Variants in PPP1R37 observed in about 807,000 individuals in gnomAD.
PPP1R37 encodes the protein protein phosphatase 1 regulatory subunit 37, also known as leucine rich repeat containing 68.
A neutral mutation model predicts 61.0 loss-of-function variants in PPP1R37; 21 were observed. That is an observed-to-expected ratio of 0.34 (90% CI 0.24 to 0.50). PPP1R37 has a LOEUF of 0.50. Among genes scored for constraint, PPP1R37 ranks in the 20% least tolerant of loss-of-function variants. PPP1R37 has a pLI of 0.98. For missense variants in PPP1R37, 910 were observed against 952.7 expected (o/e 0.96, Z 0.59); for synonymous variants, 443 against 433.5 (o/e 1.02, Z -0.27).
chr19:45,129,804 G>A (rs999106259), intron 1 of PPP1R37, among the ~76,000 whole-genome samples: 1 of 152,190 alleles, frequency 6.6e-6, no homozygotes, highest in African/African-American at 2.4e-5. Context: ...AAGGAGGAGC[G>A]GGGAGGGGTC....
chr19:45,097,649 A>G (rs1163802429), intron 1 of PPP1R37, among the ~76,000 whole-genome samples: 1 of 151,760 alleles, frequency 6.6e-6, no homozygotes, highest in Non-Finnish European at 1.5e-5. Flanking sequence ...GCTTATCCGG[A>G]TTCCCATCTC....
intron 1 of PPP1R37, among the ~76,000 whole-genome samples, chr19:45,114,289 G>T (rs992784689): frequency 9.2e-5 from 14 of 152,352 alleles, no homozygotes; most frequent in Admixed American, 2.6e-4. Context: ...GTTCCCAGGG[G>T]TCCTGAAAGC....
chr19:45,131,674 G>T lies in PPP1R37; in HGVS notation c.203-6840G>T, dbSNP rs528558478. Reference sequence around the variant, plus strand: ...AGGCTGAGGCAGGAGGATTGCTGGAGCCTGGGAGTTCAAGACCAGCCTGGG... The same window carrying T: ...AGGCTGAGGCAGGAGGATTGCTGGATCCTGGGAGTTCAAGACCAGCCTGGG... On this transcript the variant is annotated intron_variant, in intron 1 of 12. Coordinates refer to ENST00000221462, the MANE Select transcript of PPP1R37 (RefSeq NM_019121.2). Among the ~76,000 whole-genome samples, 208 of 152,344 alleles carry T rather than the reference G, an allele frequency of 1.4e-3. 1 individual carries two copies. Among genetic ancestry groups the T allele is most frequent in the African/African-American group, 4.6e-3 (191 of 41,580 alleles).
At position 45,140,386 on chromosome 19, in the gene PPP1R37, GAGCTC is replaced by G. The variant is rs144300211; in HGVS notation, c.346+109_347-112del. The G allele has an allele frequency of 4.7e-4, 602 of 1,274,678 alleles. 2 individuals carry two copies. In the African/African-American group the frequency reaches 7.8e-3, roughly 16 times the overall value. The allele number at this position is 1,274,678 out of a possible 1,614,324, so 79.0% of individuals were successfully genotyped here. ...CCTGGGGTTAGCGGCTTCTGGAGCT[GAGCTC>G]AGCCAGGGCAGGGGCTGGGCCTGGT... On this transcript the variant is annotated intron_variant, in intron 3 of 12. Transcript: ENST00000221462.
intron 1 of PPP1R37, among the ~76,000 whole-genome samples, chr19:45,129,386 A>G (rs1599705069): frequency 6.6e-6 from 1 of 151,724 alleles, no homozygotes; most frequent in South Asian, 2.1e-4. Context: ...TGCAACCTCC[A>G]CCTCTTGGGT....
At chr19:45,094,476 C>T (rs1300399449) in intron 1 of PPP1R37, among the ~76,000 whole-genome samples, 1 of 151,928 alleles carries the variant, frequency 6.6e-6, no homozygotes, top group Non-Finnish European at 1.5e-5. Context: ...CGTGTAATCC[C>T]AGCACTTTGG....
intron 1 of PPP1R37, among the ~76,000 whole-genome samples, chr19:45,136,641 T>C (rs1343315632): frequency 1.3e-5 from 2 of 152,062 alleles, no homozygotes; most frequent in African/African-American, 4.8e-5. Context: ...CCCCTGCAGC[T>C]CCTCCCAGGC....
chr19:45,109,484 G>C (rs1162490223), intron 1 of PPP1R37, among the ~76,000 whole-genome samples: 1 of 152,236 alleles, frequency 6.6e-6, no homozygotes, highest in Non-Finnish European at 1.5e-5. Context: ...AGGGTCCACT[G>C]TAACCACAAC....
At chr19:45,120,525 A>G (rs73562250) in intron 1 of PPP1R37, among the ~76,000 whole-genome samples, 24,365 of 152,168 alleles carry the variant, frequency 0.16, 2,385 homozygotes, top group African/African-American at 0.26. Context: ...TTCTGCATTC[A>G]CAAGCTGCTG....
intron 1 of PPP1R37, among the ~76,000 whole-genome samples, chr19:45,116,751 CAGGG>C (rs1968272925): frequency 6.6e-6 from 1 of 152,144 alleles, no homozygotes; most frequent in East Asian, 1.9e-4. Flanking sequence ...TCCCTAGACT[CAGGG>C]AGCCCTTGGT....
At chr19:45,093,626 C>T (rs1967952891) in intron 1 of PPP1R37, 99 bp downstream of exon 1, 6 of 851,934 alleles carry the variant, frequency 7.0e-6, no homozygotes, top group South Asian at 5.0e-5. Context: ...CAATAGATTG[C>T]ACCTAATGGT....
intron 1 of PPP1R37, among the ~76,000 whole-genome samples, chr19:45,133,540 C>T (rs1215404093): frequency 6.6e-6 from 1 of 152,240 alleles, no homozygotes; most frequent in Non-Finnish European, 1.5e-5. Flanking sequence ...AACCACTGCG[C>T]AGCCCTTCCC....
rs1280903915 is a variant in PPP1R37 at position 45,121,710 on chromosome 19, G to A, written c.203-16804G>A. On this transcript the variant is annotated intron_variant, in intron 1 of 12. Coordinates refer to ENST00000221462, the MANE Select transcript of PPP1R37 (RefSeq NM_019121.2). The surrounding 1 kb of genome is among the most constrained non-coding windows in gnomAD (Gnocchi z 4.2). ...GGGGCCTCTGGATGCCCGCGGTGGGGTGCTGGGGCCTCCACGGGCGTCATT... is the reference window on the plus strand; with the variant it reads ...GGGGCCTCTGGATGCCCGCGGTGGGATGCTGGGGCCTCCACGGGCGTCATT... Among the ~76,000 whole-genome samples, 10 of 152,230 alleles carry A rather than the reference G, an allele frequency of 6.6e-5. No individual in the cohort carries two copies. The highest frequency in any genetic ancestry group is 5.9e-5 in the Non-Finnish European group (4 of 68,036).
intron 1 of PPP1R37, among the ~76,000 whole-genome samples, chr19:45,094,835 G>C (rs1036263781): frequency 3.3e-5 from 5 of 152,216 alleles, no homozygotes; most frequent in African/African-American, 1.2e-4. Context: ...GAAGTGTTGG[G>C]AGAGAGGGCC....
At chr19:45,099,707 T>C (rs563534172) in intron 1 of PPP1R37, among the ~76,000 whole-genome samples, 2 of 152,392 alleles carry the variant, frequency 1.3e-5, no homozygotes, top group Non-Finnish European at 2.9e-5. Context: ...ATGAGTCACC[T>C]CTGTGACCCT....
chr19:45,106,463 C>T (rs540936833), intron 1 of PPP1R37, among the ~76,000 whole-genome samples: 5 of 152,142 alleles, frequency 3.3e-5, no homozygotes, highest in South Asian at 2.1e-4. Context: ...GGGCTGATCT[C>T]GAACTCCTGA....
At chr19:45,131,368 G>A (rs1229166089) in intron 1 of PPP1R37, among the ~76,000 whole-genome samples, 1 of 151,952 alleles carries the variant, frequency 6.6e-6, no homozygotes, top group East Asian at 1.9e-4. Flanking sequence ...CCCTGCCTCC[G>A]CCCCAGCCCT....
intron 7 of PPP1R37, chr19:45,142,937 G>A: frequency 5.7e-6 from 1 of 175,406 alleles, no homozygotes; most frequent in Non-Finnish European, 1.2e-5. Flanking sequence ...TGCAGTGGGA[G>A]GAGCTCTGGT....
chr19:45,146,066 G>A lies in PPP1R37; in HGVS notation c.1993+17G>A, dbSNP rs1433549640. 1 of 1,513,284 alleles carries A rather than the reference G, an allele frequency of 6.6e-7. No individual in the cohort carries two copies. 93.7% of individuals were successfully genotyped at this position (1,513,284 alleles called of 1,614,324 possible). A position where few individuals can be genotyped will look rare whatever the true frequency, so the allele number is the denominator to read the frequency against. ...TGGAGCACGGTGAGAGGGGCCCTAG[G>A]GCAGGTGTTGAGGGGCCCTGGGTGC... is the stretch of plus-strand genomic sequence containing the variant. On this transcript the variant is annotated intron_variant, in intron 11 of 12. Transcript: ENST00000221462.
Sources: gnomAD v4.1 joint callset for allele counts (sites outside exome capture counted in the v4.1 genomes callset) on GRCh38, gnomAD v4.1.1 for gene constraint, Gnocchi (gnomAD v3.1) non-coding constraint, MANE v1.5 for transcripts, NCBI Gene and HGNC (gene_info 2026-07-23, HGNC 2026-07-21) for gene names.